SAMSN1: variants seen among roughly 807,000 people sequenced by gnomAD.
SAMSN1 encodes SAM domain, SH3 domain and nuclear localization signals 1, also known as SAM domain-containing protein SAMSN-1.
Under a neutral mutation model 42.0 loss-of-function variants are expected in SAMSN1, and 31 were observed. The observed-to-expected ratio is 0.74, with a 90% CI of 0.55 to 1.00. The LOEUF is 1.00. SAMSN1 is among the 50% of genes least tolerant of loss of function. The probability of loss-of-function intolerance (pLI) is 0.00; values close to 1 mark genes in which losing one functional copy is unlikely to be tolerated. For missense variants in SAMSN1, 464 were observed against 439.4 expected (o/e 1.06, Z -0.50); for synonymous variants, 178 against 151.9 (o/e 1.17, Z -1.26).
intron 1 of SAMSN1, among the ~76,000 whole-genome samples, chr21:14,652,861 A>T (rs775374780): frequency 3.3e-5 from 5 of 152,116 alleles, no homozygotes; most frequent in Non-Finnish European, 5.9e-5. Context: ...AATCTGATCA[A>T]AAAATGGGCA....
At chr21:14,503,275 C>G (rs1213610504) in intron 5 of SAMSN1, among the ~76,000 whole-genome samples, 2 of 152,100 alleles carry the variant, frequency 1.3e-5, no homozygotes, top group East Asian at 3.9e-4. Context: ...TTTTCCTGTT[C>G]ATCCTGAAAG....
At chr21:14,638,465 G>GA (rs1470033070) in intron 2 of SAMSN1, among the ~76,000 whole-genome samples, 1 of 152,152 alleles carries the variant, frequency 6.6e-6, no homozygotes, top group Admixed American at 6.5e-5. Flanking sequence ...CTTTTTCTGT[G>GA]AAAATCAGAT....
At chr21:14,636,771 G>A (rs934227287) in intron 2 of SAMSN1, among the ~76,000 whole-genome samples, 2 of 151,928 alleles carry the variant, frequency 1.3e-5, no homozygotes, top group Admixed American at 1.3e-4. Flanking sequence ...GGGGTTGGGG[G>A]TGGAATTGCT....
At chr21:14,645,138 A>G (rs1254471358) in intron 1 of SAMSN1, among the ~76,000 whole-genome samples, 1 of 152,190 alleles carries the variant, frequency 6.6e-6, no homozygotes, top group Non-Finnish European at 1.5e-5. Flanking sequence ...CCACCTGCTG[A>G]CTGTAGAGCC....
At chr21:14,607,200 G>C (rs1027374495) in intron 5 of SAMSN1, among the ~76,000 whole-genome samples, 33 of 152,208 alleles carry the variant, frequency 2.2e-4, no homozygotes, top group African/African-American at 8.0e-4. Context: ...TTATCTCACT[G>C]AACTCCACAG....
intron 2 of SAMSN1, among the ~76,000 whole-genome samples, chr21:14,552,528 A>G (rs1980634597): frequency 6.6e-6 from 1 of 152,120 alleles, no homozygotes; most frequent in Non-Finnish European, 1.5e-5. Flanking sequence ...ACATAGCAAG[A>G]AGGTGCCATC....
At chr21:14,538,032 A>T (rs748490313) in intron 1 of SAMSN1, among the ~76,000 whole-genome samples, 50 of 152,220 alleles carry the variant, frequency 3.3e-4, no homozygotes, top group Admixed American at 8.5e-4. Context: ...TTATGTTTGC[A>T]TTATAGTTTA....
intron 1 of SAMSN1, among the ~76,000 whole-genome samples, chr21:14,658,573 C>T (rs1983951634): frequency 6.6e-6 from 1 of 151,906 alleles, no homozygotes. Flanking sequence ...GTAGAGTTGG[C>T]TTAAGTGCTT....
At chr21:14,541,023 T>C (rs943544468) in intron 1 of SAMSN1, among the ~76,000 whole-genome samples, 2 of 151,512 alleles carry the variant, frequency 1.3e-5, no homozygotes, top group Admixed American at 6.6e-5. Context: ...GAGCAAACTA[T>C]TGCAAGGACG....
rs377336763 is a variant in SAMSN1 at position 14,577,836 on chromosome 21, T to C, written c.261+4300A>G. On this transcript the variant is annotated intron_variant, in intron 2 of 8. Transcript: ENST00000285670. ...TTCTCTTGTGGAGTATACCCTTTCA[T>C]AAATCTGATCTTTTACCTTTCTCAA... Among the ~76,000 whole-genome samples the C allele has an allele frequency of 1.5e-4, 23 of 152,330 alleles. No homozygotes were observed. In the South Asian group the frequency reaches 4.8e-3, roughly 32 times the overall value.
At chr21:14,529,335 A>C (rs1600899624) in intron 1 of SAMSN1, among the ~76,000 whole-genome samples, 1 of 152,220 alleles carries the variant, frequency 6.6e-6, no homozygotes, top group East Asian at 1.9e-4. Context: ...CCAATGGATA[A>C]AAATCCTACA....
intron 2 of SAMSN1, among the ~76,000 whole-genome samples, chr21:14,577,270 ATATATATATATATATTT>A (rs1186896657): frequency 2.0e-5 from 1 of 49,402 alleles, no homozygotes; most frequent in Non-Finnish European, 3.7e-5. Context: ...ATATATATAT[ATATATATATATATATTT>A]TTTTTTTAGA....
chr21:14,624,882 A>G (rs1983119844), intron 2 of SAMSN1, among the ~76,000 whole-genome samples: 1 of 152,222 alleles, frequency 6.6e-6, no homozygotes, highest in Admixed American at 6.5e-5. Flanking sequence ...TCCTCAATAA[A>G]ATAGTGGCAA....
intron 2 of SAMSN1, among the ~76,000 whole-genome samples, chr21:14,552,198 C>T (rs553629912): frequency 1.3e-5 from 2 of 152,152 alleles, no homozygotes; most frequent in African/African-American, 4.8e-5. Flanking sequence ...CACTTATTGG[C>T]CCTCAATTCT....
chr21:14,578,680 CAAAAA>C (rs769354531), intron 2 of SAMSN1, among the ~76,000 whole-genome samples: 9 of 63,724 alleles, frequency 1.4e-4, no homozygotes, highest in African/African-American at 2.4e-4. Flanking sequence ...GAGAATCCAT[CAAAAA>C]AAAAAAAAAA....
chr21:14,499,638 AT>A (rs1449647938), intron 6 of SAMSN1, among the ~76,000 whole-genome samples: 1 of 152,134 alleles, frequency 6.6e-6, no homozygotes, highest in Non-Finnish European at 1.5e-5. Context: ...TGGGGAAGTC[AT>A]TTCAGTCTCA....
intron 2 of SAMSN1, among the ~76,000 whole-genome samples, chr21:14,570,168 A>G (rs1569360): frequency 0.3 from 46,081 of 152,068 alleles, 7,368 homozygotes; most frequent in East Asian, 0.48. Flanking sequence ...AATGCCGCAA[A>G]TCCATTAAAT....
chr21:14,651,160 T>A (rs868426798), intron 1 of SAMSN1, among the ~76,000 whole-genome samples: 2 of 151,938 alleles, frequency 1.3e-5, no homozygotes, highest in Admixed American at 6.6e-5. Flanking sequence ...GAGAGGGGAA[T>A]GCTTCCAAAC....
In SAMSN1 at chr21:14,576,513, C is replaced by G. The variant is rs951996812; in HGVS notation, c.261+5623G>C. The stretch of plus-strand genomic sequence containing the variant: ...ACAGTGAAGCTGTGTATCCTAAGAG[C>G]ACTTTCCCATGCCAATAATTAGCAT... On this transcript the variant is annotated intron_variant, in intron 2 of 8. Transcript: ENST00000285670. 9.9e-5 allele frequency among the ~76,000 whole-genome samples: 15 copies of G among 152,276 alleles called. 1 individual carries two copies. Among genetic ancestry groups the G allele is most frequent in the African/African-American group, 3.1e-4 (13 of 41,554 alleles).
Sources: allele counts gnomAD v4.1 joint callset (sites outside exome capture counted in the v4.1 genomes callset), GRCh38; gene constraint gnomAD v4.1.1; transcripts MANE v1.5; gene names NCBI Gene and HGNC (gene_info 2026-07-23, HGNC 2026-07-21).